Variants in ZBTB20 observed in about 807,000 individuals in gnomAD.
The protein encoded by ZBTB20 is zinc finger and BTB domain-containing protein 20.
Under a neutral mutation model 56.9 loss-of-function variants are expected in ZBTB20, and 9 were observed. That is an observed-to-expected ratio of 0.16 (90% CI 0.10 to 0.28). The LOEUF (loss-of-function observed/expected upper bound fraction) is 0.28. Ranked by LOEUF, ZBTB20 falls within the 10% of genes least tolerant of loss-of-function variation. The probability of loss-of-function intolerance (pLI) is 1.00; values close to 1 mark genes in which losing one functional copy is unlikely to be tolerated. For synonymous variants in ZBTB20, 417 were observed against 420.7 expected (o/e 0.99, Z 0.11); for missense variants, 655 against 1,003.0 (o/e 0.65, Z 4.69).
At chr3:114,806,516 G>A (rs1055619391) in intron 4 of ZBTB20, among the ~76,000 whole-genome samples, 16 of 151,666 alleles carry the variant, frequency 1.1e-4, no homozygotes, top group African/African-American at 3.9e-4. Flanking sequence ...TTTGCAAATC[G>A]CAATCTTGCA....
At chr3:114,625,894 C>T (rs1269459365) in intron 6 of ZBTB20, among the ~76,000 whole-genome samples, 1 of 152,126 alleles carries the variant, frequency 6.6e-6, no homozygotes, top group Non-Finnish European at 1.5e-5. Flanking sequence ...AGGCAAATTG[C>T]TCTATAAGTC....
chr3:114,945,713 T>C (rs1334668305), intron 3 of ZBTB20, among the ~76,000 whole-genome samples: 1 of 145,496 alleles, frequency 6.9e-6, no homozygotes, highest in Admixed American at 6.6e-5. Flanking sequence ...GCAGTTAATG[T>C]AAATTTAAAA....
In ZBTB20 at chr3:114,331,760, C is replaced by T. The variant is rs4682536; in HGVS notation, c.*7245G>A. The stretch of plus-strand genomic sequence containing the variant: ...ATACTGATGCACCCAACTAAGGCAA[C>T]AAAGCATAAGCAGATACGTGAGATA... On this transcript the variant is annotated 3_prime_UTR_variant, in exon 12 of 12. Transcript: ENST00000675478. 0.43 allele frequency: 65,048 copies of T among 152,022 alleles called. 14,730 individuals are homozygous for T. The highest frequency in any genetic ancestry group is 0.83 in the East Asian group (4,301 of 5,174). 9.4% of individuals were successfully genotyped at this position (152,022 alleles called of 1,614,324 possible).
chr3:114,753,332 T>C (rs1307024501), intron 5 of ZBTB20, among the ~76,000 whole-genome samples: 5 of 122,104 alleles, frequency 4.1e-5, no homozygotes, highest in East Asian at 2.5e-4. Flanking sequence ...TACCTGTATA[T>C]ATAATGTATA....
At chr3:114,937,984 G>A (rs1055583608) in intron 3 of ZBTB20, among the ~76,000 whole-genome samples, 2 of 151,580 alleles carry the variant, frequency 1.3e-5, no homozygotes, top group Non-Finnish European at 1.5e-5. Context: ...TGTAGTCTGG[G>A]ACTACTTGGG....
chr3:114,935,855 A>G (rs2076515997), intron 3 of ZBTB20, among the ~76,000 whole-genome samples: 1 of 152,226 alleles, frequency 6.6e-6, no homozygotes, highest in African/African-American at 2.4e-5. Flanking sequence ...GAGTAAAATA[A>G]AAGTCTTAAC....
At chr3:114,508,189 A>C (rs1033854801) in intron 6 of ZBTB20, among the ~76,000 whole-genome samples, 9 of 152,164 alleles carry the variant, frequency 5.9e-5, no homozygotes, top group Non-Finnish European at 1.0e-4. Context: ...CCACTAAACA[A>C]TTCCTTTAAA....
intron 5 of ZBTB20, among the ~76,000 whole-genome samples, chr3:114,748,812 G>C (rs11920398): frequency 0.81 from 122,700 of 152,112 alleles, 50,878 homozygotes; most frequent in East Asian, 0.89. Flanking sequence ...AAACTGCAAA[G>C]TGCTGTATAA....
In ZBTB20 at chr3:114,551,913, A is replaced by T. The variant is rs924363032; in HGVS notation, c.-294-51522T>A. Among the ~76,000 whole-genome samples the T allele has an allele frequency of 2.6e-5, 4 of 152,204 alleles. No homozygotes were observed. In the South Asian group the frequency reaches 8.3e-4, roughly 32 times the overall value. ...CTTTTATTTCTATAAATAAATGGAA[A>T]CTCATCTTCAGCTAAAAATATAGTG... On this transcript the variant is annotated intron_variant, in intron 6 of 11. Transcript: ENST00000675478.
At chr3:114,642,548 G>C (rs995646576) in intron 6 of ZBTB20, among the ~76,000 whole-genome samples, 44 of 152,134 alleles carry the variant, frequency 2.9e-4, no homozygotes, top group African/African-American at 1.0e-3. Flanking sequence ...TTGTCTAGGA[G>C]AATGGCAGTA....
At chr3:114,783,466 A>G (rs1307314621) in intron 5 of ZBTB20, among the ~76,000 whole-genome samples, 2 of 152,158 alleles carry the variant, frequency 1.3e-5, no homozygotes, top group African/African-American at 4.8e-5. Flanking sequence ...TAAACATGGC[A>G]GCATTTTTCC....
intron 5 of ZBTB20, among the ~76,000 whole-genome samples, chr3:114,694,067 G>A (rs1465673100): frequency 6.6e-6 from 1 of 151,966 alleles, no homozygotes; most frequent in African/African-American, 2.4e-5. Context: ...GGGAGAATAA[G>A]CTATGGATTA....
chr3:114,467,085 G>C (rs1221616491), intron 7 of ZBTB20, among the ~76,000 whole-genome samples: 1 of 152,154 alleles, frequency 6.6e-6, no homozygotes, highest in Non-Finnish European at 1.5e-5. Flanking sequence ...CAAGGGATAG[G>C]AAAGCACAAA....
intron 7 of ZBTB20, among the ~76,000 whole-genome samples, chr3:114,438,416 C>CA (rs11405102): frequency 0.68 from 81,165 of 120,062 alleles, 25,632 homozygotes; most frequent in Non-Finnish European, 0.78. Flanking sequence ...CACTCCTTGC[C>CA]AAAAAAAAAC....
At chr3:115,014,750 A>C (rs2108276216) in intron 2 of ZBTB20, among the ~76,000 whole-genome samples, 2 of 151,836 alleles carry the variant, frequency 1.3e-5, no homozygotes, top group African/African-American at 4.8e-5. Flanking sequence ...TGTTTATCAA[A>C]GCATCTATGA....
At chr3:114,713,599 A>C (rs1033090661) in intron 5 of ZBTB20, among the ~76,000 whole-genome samples, 31 of 152,312 alleles carry the variant, frequency 2.0e-4, no homozygotes, top group African/African-American at 7.5e-4. Flanking sequence ...CTTTGGGCAC[A>C]GAATAGCCAT....
intron 5 of ZBTB20, among the ~76,000 whole-genome samples, chr3:114,739,877 C>A (rs1230288153): frequency 6.6e-6 from 1 of 152,152 alleles, no homozygotes. Flanking sequence ...TGAGAATATG[C>A]CCATTTTATG....
rs148641467 is a variant in ZBTB20 at position 114,828,012 on chromosome 3, A to T, written c.-416-26838T>A. 3.0e-4 allele frequency among the ~76,000 whole-genome samples: 45 copies of T among 151,806 alleles called. 1 individual carries two copies. The East Asian group carries it at 7.4e-3, about 25-fold the overall frequency. On this transcript the variant is annotated intron_variant, in intron 4 of 11. Coordinates refer to ENST00000675478, the MANE Select transcript of ZBTB20 (RefSeq NM_001348800.3). ...ATTAAACAACCACAGAAACTTCCTA[A>T]TACATCAAAGTAAGATTAAATGGGG...
At chr3:114,602,282 G>T (rs557101518) in intron 6 of ZBTB20, among the ~76,000 whole-genome samples, 2 of 152,126 alleles carry the variant, frequency 1.3e-5, no homozygotes, top group South Asian at 4.2e-4. Context: ...TAGAAAGTTT[G>T]ACATAAGCTG....
Sources: allele counts gnomAD v4.1 joint callset (sites outside exome capture counted in the v4.1 genomes callset), GRCh38; gene constraint gnomAD v4.1.1; transcripts MANE v1.5; gene names NCBI Gene and HGNC (gene_info 2026-07-23, HGNC 2026-07-21).